Variants in SLC34A3 observed in about 807,000 individuals in gnomAD.
The protein encoded by SLC34A3 is solute carrier family 34 member 3.
Under a neutral mutation model 43.9 loss-of-function variants are expected in SLC34A3, and 60 were observed. The ratio of observed to expected loss-of-function variants is 1.37; its 90% confidence interval spans 1.11 to 1.70. SLC34A3 has a LOEUF of 1.70. Ranked by LOEUF, SLC34A3 falls within the 40% of genes most tolerant of loss-of-function variation. The pLI is 0.00. For synonymous variants in SLC34A3, 451 were observed against 386.2 expected (o/e 1.17, Z -1.97); for missense variants, 969 against 823.8 (o/e 1.18, Z -2.16).
In SLC34A3 at chr9:137,232,154, C is replaced by A. The variant is rs140180447; in HGVS notation, c.168C>A (p.Pro56=). 1 of 1,612,934 alleles carries A rather than the reference C, an allele frequency of 6.2e-7. No individual in the cohort carries two copies. Among genetic ancestry groups the A allele is most frequent in the African/African-American group, 1.3e-5 (1 of 74,948 alleles). ...CTCAGCTGAAGGACACAAGCCAGCC[C>A]TGGAAAGGTGGGTCTGGAGGTTCCG... ...TLPQLKDTSQ[P]WKELRVAGRL... Residue 56 remains proline (P), a synonymous_variant, in exon 3 of 13, where the codon CCC becomes CCA. Coordinates refer to ENST00000673835, the MANE Select transcript of SLC34A3 (RefSeq NM_001177316.2).
rs777537074 is a variant in SLC34A3 at position 137,232,724 on chromosome 9, C to T, written c.304+21C>T. The T allele has an allele frequency of 8.7e-6, 14 of 1,612,786 alleles. No individual in the cohort carries two copies. In the East Asian group the frequency reaches 2.9e-4, roughly 33 times the overall value. Reference sequence around the variant, plus strand: ...GGGCAGTGAGTGACGGGACGGGTGCCCAGGGCGGGGCGGGCAACCAGCCCT... The same window carrying T: ...GGGCAGTGAGTGACGGGACGGGTGCTCAGGGCGGGGCGGGCAACCAGCCCT... On this transcript the variant is annotated intron_variant, in intron 4 of 12. Coordinates refer to ENST00000673835, the MANE Select transcript of SLC34A3 (RefSeq NM_001177316.2).
In SLC34A3 at chr9:137,232,630, C is replaced by T. The variant is rs750512803; in HGVS notation, c.231C>T (p.Cys77=). Reference sequence around the variant, plus strand: ...TGGCCGGCAGCGTCCTCAAGGCCTGCGGGCTCCTCGGCAGCCTGTACTTCT... The same window carrying T: ...TGGCCGGCAGCGTCCTCAAGGCCTGTGGGCTCCTCGGCAGCCTGTACTTCT... ...RRVAGSVLKA[C]GLLGSLYFFI... The change falls in exon 4 of 13, where the codon TGC becomes TGT. Residue 77 remains cysteine (C), a synonymous_variant. Transcript: ENST00000673835. The T allele has an allele frequency of 1.4e-5, 23 of 1,612,524 alleles. No individual in the cohort carries two copies. The highest frequency in any genetic ancestry group is 2.7e-5 in the African/African-American group (2 of 74,934).
chr9:137,230,097 G>C (rs905866766), upstream of SLC34A3, among the ~76,000 whole-genome samples: 1 of 152,162 alleles, frequency 6.6e-6, no homozygotes, highest in Non-Finnish European at 1.5e-5. Context: ...GGCACCAGCA[G>C]CCCCTGGGCA....
intron 2 of SLC34A3, 139 bp from the exon 3 acceptor site, chr9:137,231,933 A>G: frequency 8.9e-7 from 1 of 1,124,148 alleles, no homozygotes; most frequent in Non-Finnish European, 1.4e-6. Flanking sequence ...GCCCAGCTGG[A>G]GCCCCATCTT....
In SLC34A3 at chr9:137,234,026, G is replaced by C. The variant is rs543029208; in HGVS notation, c.926-83G>C. 30 of 1,283,266 alleles carry C rather than the reference G, an allele frequency of 2.3e-5. No individual in the cohort carries two copies. The African/African-American group carries it at 3.0e-4, about 13-fold the overall frequency. 79.5% of individuals were successfully genotyped at this position (1,283,266 alleles called of 1,614,324 possible). A position where few individuals can be genotyped will look rare whatever the true frequency, so the allele number is the denominator to read the frequency against. On this transcript the variant is annotated intron_variant, in intron 9 of 12. Coordinates refer to ENST00000673835, the MANE Select transcript of SLC34A3 (RefSeq NM_001177316.2). The surrounding 1 kb of genome is among the most constrained non-coding windows in gnomAD (Gnocchi z 6.9). ...ACATGGAGAGGAACAGCACAGCCCCGGCGGACAGGCTGCCCTGTGAGGCCC... is the reference window on the plus strand; with the variant it reads ...ACATGGAGAGGAACAGCACAGCCCCCGCGGACAGGCTGCCCTGTGAGGCCC...
Position 137,236,341 on chromosome 9 carries a change from C to T in SLC34A3, c.1725C>T (p.Cys575=), listed in dbSNP as rs1259429661. 1.1e-5 allele frequency: 17 copies of T among 1,541,528 alleles called. No homozygotes were observed. Among genetic ancestry groups the T allele is most frequent in the Non-Finnish European group, 1.2e-5 (14 of 1,146,770 alleles). ...CCCGCTGCTGCCCCTGCAACGTCTG[C>T]AGCCCCCCGAAGGCCACCACCAAAG... The part of the protein sequence containing the change: ...LVTRCCPCNV[C]SPPKATTKEA... The change falls in exon 13 of 13, where the codon TGC becomes TGT. Residue 575 remains cysteine, a synonymous_variant. Coordinates refer to ENST00000673835, the MANE Select transcript of SLC34A3 (RefSeq NM_001177316.2).
intron 12 of SLC34A3, 56 bp from the exon 13 acceptor site, chr9:137,235,896 C>T (rs1032647414): frequency 1.9e-5 from 29 of 1,546,752 alleles, no homozygotes; most frequent in Admixed American, 1.3e-4. Flanking sequence ...GGGTCCGGGG[C>T]CCCTGGTGAC....
intron 5 of SLC34A3, 24 bp from the exon 6 acceptor site, chr9:137,232,980 C>G: frequency 6.2e-7 from 1 of 1,609,388 alleles, no homozygotes; most frequent in Non-Finnish European, 8.5e-7. Context: ...GGGCCGCAGG[C>G]TGACTCAGCC....
chr9:137,231,688 C>A lies in SLC34A3; in HGVS notation c.-15C>A, dbSNP rs1352560928. On this transcript the variant is annotated 5_prime_UTR_variant, in exon 2 of 13. Coordinates refer to ENST00000673835, the MANE Select transcript of SLC34A3 (RefSeq NM_001177316.2). ...GATCTAGACCTGGGCCTGGGTCTGT[C>A]CCTGCCCGAAATCCATGCCGAGTTC... is the stretch of plus-strand genomic sequence containing the variant. 1 of 1,611,670 alleles carries A rather than the reference C, an allele frequency of 6.2e-7. No homozygotes were observed. The highest frequency in any genetic ancestry group is 1.1e-5 in the South Asian group (1 of 91,058).
chr9:137,236,171 G>A lies in SLC34A3; in HGVS notation c.1555G>A (p.Gly519Ser). ...AGGMELAAVG[G>S]PLVGLVLLVI... ...GGGCATGGAGCTGGCCGCTGTCGGG[G>A]GTCCCCTGGTGGGGCTGGTGCTCCT... Residue 519 changes from glycine to serine, a missense_variant, in exon 13 of 13, where the codon GGT becomes AGT. Transcript: ENST00000673835. 1 of 1,606,958 alleles carries A rather than the reference G, an allele frequency of 6.2e-7. No individual in the cohort carries two copies. The highest frequency in any genetic ancestry group is 8.5e-7 in the Non-Finnish European group (1 of 1,178,128).
In SLC34A3 at chr9:137,236,088, ACCTGCTGCTCGGATT is replaced by A; in HGVS notation, c.1482_1496del (p.Gly495_Leu499del). 1.2e-6 allele frequency: 2 copies of A among 1,612,228 alleles called. No individual in the cohort carries two copies. The highest frequency in any genetic ancestry group is 3.3e-5 in the Admixed American group (2 of 60,014). On this transcript the variant is annotated inframe_deletion, in exon 13 of 13. Coordinates refer to ENST00000673835, the MANE Select transcript of SLC34A3 (RefSeq NM_001177316.2). ...CGTTACCGCTGGGTGGCTGGGGTCT[ACCTGCTGCTCGGATT>A]CCTGCTGCTGCCCCTGGCGGCCTTC...
rs995556904 is a variant in SLC34A3, at chr9:137,233,667, G to A, written c.791G>A (p.Gly264Asp). 7 of 1,612,760 alleles carry A rather than the reference G, an allele frequency of 4.3e-6. No homozygotes were observed. The highest frequency in any genetic ancestry group is 5.1e-6 in the Non-Finnish European group (6 of 1,179,954). The change falls in exon 8 of 13, where the codon GGC becomes GAC. Residue 264 changes from glycine to aspartate, a missense_variant. Transcript: ENST00000673835. Reference sequence around the variant, plus strand: ...GACATGATCATGAGCAGTGCCACAGGCAACGCCACTAACAGCAGTCTCATT... The same window carrying A: ...GACATGATCATGAGCAGTGCCACAGACAACGCCACTAACAGCAGTCTCATT... ...DSDMIMSSAT[G>D]NATNSSLIKH...
intron 2 of SLC34A3, 25 bp downstream of exon 2, chr9:137,231,812 GC>G: frequency 6.3e-7 from 1 of 1,596,322 alleles, no homozygotes; most frequent in Non-Finnish European, 8.6e-7. Context: ...TGTGCCCCAG[GC>G]CTTCACCAGT....
rs749600673 is a variant in SLC34A3 at position 137,233,218 on chromosome 9, C to T, written c.570C>T (p.Ser190=). 2.0e-5 allele frequency: 31 copies of T among 1,573,926 alleles called. No individual in the cohort carries two copies. Among genetic ancestry groups the T allele is most frequent in the African/African-American group, 4.1e-5 (3 of 73,882 alleles). ...CTCTCTGCGGCCACAGGGCTTTCAG[C>T]GGCTCGGCGGTGCACGGGATCTTCA... ...GDRDEFQRAF[S]GSAVHGIFNW... The change falls in exon 7 of 13, where the codon AGC becomes AGT. Residue 190 remains serine (S), a synonymous_variant. Transcript: ENST00000673835.
rs369211663 is a variant in SLC34A3, at chr9:137,234,171, G to A, written c.988G>A (p.Gly330Ser). Reference sequence around the variant, plus strand: ...GGCCGTGGGCTGCATCCTGCTGGCCGGCTCCCTGCTGGTGCTCTGCGGCTG... The same window carrying A: ...GGCCGTGGGCTGCATCCTGCTGGCCAGCTCCCTGCTGGTGCTCTGCGGCTG... ...DLAVGCILLAGSLLVLCGCLV... is the reference protein window; with the variant it reads ...DLAVGCILLASSLLVLCGCLV... Residue 330 changes from glycine (G) to serine (S), a missense_variant, in exon 10 of 13, where the codon GGC becomes AGC. Coordinates refer to ENST00000673835, the MANE Select transcript of SLC34A3 (RefSeq NM_001177316.2). This position sits in a 1 kb window ranked among gnomAD's most constrained non-coding sequence, Gnocchi z 6.9. 3.7e-5 allele frequency: 59 copies of A among 1,604,404 alleles called. No homozygotes were observed. The highest frequency in any genetic ancestry group is 1.5e-4 in the Admixed American group (9 of 59,558).
chr9:137,235,897 C>T lies in SLC34A3; in HGVS notation c.1336-55C>T, dbSNP rs1281727122. On this transcript the variant is annotated intron_variant, in intron 12 of 12. Transcript: ENST00000673835. The stretch of plus-strand genomic sequence containing the variant: ...GTGGAGGAGGGCAGGGGTCCGGGGC[C>T]CCTGGTGACCCCACCTCGTTGGGCC... 6 of 1,563,812 alleles carry T rather than the reference C, an allele frequency of 3.8e-6. No homozygotes were observed. The Admixed American group carries it at 1.0e-4, about 26-fold the overall frequency.
At position 137,231,710 on chromosome 9, in the gene SLC34A3, G is replaced by A. The variant is rs1836225446; in HGVS notation, c.8G>A (p.Ser3Asn). MP[S>N]SLPGSQVPHP... ...TGTCCCTGCCCGAAATCCATGCCGAGTTCCCTTCCCGGCAGCCAGGTCCCC... is the reference window on the plus strand; with the variant it reads ...TGTCCCTGCCCGAAATCCATGCCGAATTCCCTTCCCGGCAGCCAGGTCCCC... The change falls in exon 2 of 13, where the codon AGT (serine) becomes AAT (asparagine). Residue 3 changes from serine (S) to asparagine (N), a missense_variant. Physicochemically the swap from Ser to Asn is conservative, Grantham distance 46. Coordinates refer to ENST00000673835, the MANE Select transcript of SLC34A3 (RefSeq NM_001177316.2). The A allele has an allele frequency of 1.9e-6, 3 of 1,613,002 alleles. No homozygotes were observed. Among genetic ancestry groups the A allele is most frequent in the Non-Finnish European group, 2.5e-6 (3 of 1,179,932 alleles).
At chr9:137,231,887 A>AACCCAC (rs1274051383) in intron 2 of SLC34A3, 100 bp downstream of exon 2, 3 of 1,218,460 alleles carry the variant, frequency 2.5e-6, no homozygotes, top group Non-Finnish European at 3.7e-6. Context: ...CCTCCCGGGG[A>AACCCAC]ACCCACAGGG....
At chr9:137,233,838 C>A in intron 8 of SLC34A3, 25 bp from the exon 9 acceptor site, 1 of 1,538,854 alleles carries the variant, frequency 6.5e-7, no homozygotes, top group East Asian at 2.6e-5. Context: ...CTGAGCCTGT[C>A]CTGAGTCCTC....
Sources: allele counts gnomAD v4.1 joint callset (sites outside exome capture counted in the v4.1 genomes callset), GRCh38; gene constraint gnomAD v4.1.1; non-coding constraint Gnocchi (gnomAD v3.1); transcripts MANE v1.5; gene names NCBI Gene and HGNC (gene_info 2026-07-23, HGNC 2026-07-21).